SPATA16: variants seen among roughly 807,000 people sequenced by gnomAD.
SPATA16 encodes spermatogenesis associated 16.
In SPATA16, 36 loss-of-function variants were observed where a neutral mutation model predicts 63.3. That is an observed-to-expected ratio of 0.57 (90% CI 0.44 to 0.75). The LOEUF (loss-of-function observed/expected upper bound fraction) is 0.75. SPATA16 is among the 30% of genes least tolerant of loss of function. SPATA16 has a pLI of 0.00. For synonymous variants in SPATA16, 203 were observed against 216.7 expected (o/e 0.94, Z 0.56); for missense variants, 646 against 679.3 (o/e 0.95, Z 0.54).
chr3:172,989,070 A>G (rs191101196), intron 4 of SPATA16, among the ~76,000 whole-genome samples: 87 of 152,300 alleles, frequency 5.7e-4, no homozygotes, highest in African/African-American at 1.9e-3. Flanking sequence ...TGGATAGTCC[A>G]TATCTCTGCT....
chr3:172,929,320 A>G (rs1252333525), intron 6 of SPATA16, among the ~76,000 whole-genome samples: 2 of 152,244 alleles, frequency 1.3e-5, no homozygotes, highest in Non-Finnish European at 2.9e-5. Context: ...TCAAAGATAG[A>G]TTATGCAGAT....
rs1737002752 is a variant in SPATA16 at position 173,084,631 on chromosome 3, CT to C, written c.612+32488del. Among the ~76,000 whole-genome samples the C allele has an allele frequency of 3.3e-5, 5 of 152,238 alleles. No individual in the cohort carries two copies. The South Asian group carries it at 1.0e-3, about 32-fold the overall frequency. ...TGAATGGTATTGCCTAGATTTTCTA[CT>C]AGAGTTTTTATAGTTTTGGGTTTCA... On this transcript the variant is annotated intron_variant, in intron 2 of 10. Transcript: ENST00000351008.
intron 2 of SPATA16, among the ~76,000 whole-genome samples, chr3:173,058,550 A>T (rs900279198): frequency 5.3e-5 from 8 of 152,096 alleles, no homozygotes; most frequent in African/African-American, 1.9e-4. Context: ...TTGTTTCTAT[A>T]TACTAGTACC....
At chr3:173,056,258 T>C (rs1736219662) in intron 2 of SPATA16, among the ~76,000 whole-genome samples, 1 of 152,240 alleles carries the variant, frequency 6.6e-6, no homozygotes, top group African/African-American at 2.4e-5. Flanking sequence ...TGGCAAGTCC[T>C]TTTGTATAAT....
chr3:173,049,141 A>G lies in SPATA16; in HGVS notation c.613-47T>C, dbSNP rs1560106762. On this transcript the variant is annotated intron_variant, in intron 2 of 10. Transcript: ENST00000351008. ...CAACATCTTAATAATCTTTCATATA[A>G]TTTATCTTTTAAATAAGCAAAACAT... 1.9e-6 allele frequency: 3 copies of G among 1,550,818 alleles called. No individual in the cohort carries two copies. The East Asian group carries it at 7.3e-5, about 38-fold the overall frequency.
chr3:173,020,619 G>A (rs1339342462), intron 3 of SPATA16, among the ~76,000 whole-genome samples: 1 of 152,194 alleles, frequency 6.6e-6, no homozygotes, highest in Non-Finnish European at 1.5e-5. Context: ...TTCTCCTAGA[G>A]ATAAAGGGGT....
intron 8 of SPATA16, among the ~76,000 whole-genome samples, chr3:172,917,831 A>G (rs1189283260): frequency 6.6e-6 from 1 of 152,238 alleles, no homozygotes; most frequent in Non-Finnish European, 1.5e-5. Context: ...CTTCAACTTA[A>G]AATTAGAATG....
chr3:173,107,834 C>G (rs759550669), intron 2 of SPATA16, among the ~76,000 whole-genome samples: 8 of 152,030 alleles, frequency 5.3e-5, no homozygotes, highest in Non-Finnish European at 7.4e-5. Context: ...GACTTACACA[C>G]ATTTGGAAAG....
In SPATA16 at chr3:173,117,433, A is replaced by C; in HGVS notation, c.299T>G (p.Ile100Arg). 1 of 1,614,138 alleles carries C rather than the reference A, an allele frequency of 6.2e-7. No homozygotes were observed. Among genetic ancestry groups the C allele is most frequent in the Non-Finnish European group, 8.5e-7 (1 of 1,179,992 alleles). Reference protein sequence around the residue: ...EKPTRKKQAKITELDNQLITM... With the variant: ...EKPTRKKQAKRTELDNQLITM... Reference sequence around the variant, plus strand: ...GATTAACTGATTGTCAAGTTCTGTTATCTTTGCCTGTTTCTTTCTAGTTGG... The same window carrying C: ...GATTAACTGATTGTCAAGTTCTGTTCTCTTTGCCTGTTTCTTTCTAGTTGG... The change falls in exon 2 of 11, where the codon ATA becomes AGA. Residue 100 changes from isoleucine to arginine, a missense_variant. Transcript: ENST00000351008.
At chr3:173,123,674 G>C (rs570254858) in intron 1 of SPATA16, among the ~76,000 whole-genome samples, 1 of 149,204 alleles carries the variant, frequency 6.7e-6, no homozygotes. Context: ...TGTGATCTCA[G>C]CTCACTGCAA....
intron 3 of SPATA16, among the ~76,000 whole-genome samples, chr3:173,045,054 G>A (rs182518937): frequency 1.0e-3 from 159 of 152,132 alleles, no homozygotes; most frequent in Non-Finnish European, 1.9e-3. Flanking sequence ...TAGTTCTGTG[G>A]CAGGCAATTT....
chr3:172,976,865 G>T lies in SPATA16; in HGVS notation c.933+103C>A, dbSNP rs1253756480. On this transcript the variant is annotated intron_variant, in intron 5 of 10. Transcript: ENST00000351008. ...TCAGTACCTTCTTTCTGATTGATAT[G>T]CCCAGAGCTACCTTTTTCTTCAGTC... 3 of 884,986 alleles carry T rather than the reference G, an allele frequency of 3.4e-6. No individual in the cohort carries two copies. The African/African-American group carries it at 4.9e-5, about 14-fold the overall frequency. 54.8% of individuals were successfully genotyped at this position (884,986 alleles called of 1,614,324 possible).
chr3:172,894,803 C>G (rs537149669), intron 10 of SPATA16, among the ~76,000 whole-genome samples: 1 of 152,156 alleles, frequency 6.6e-6, no homozygotes. Flanking sequence ...GCTCTGTCCA[C>G]CATGTGAAGA....
At chr3:173,101,250 AC>A (rs1448862872) in intron 2 of SPATA16, among the ~76,000 whole-genome samples, 4 of 151,952 alleles carry the variant, frequency 2.6e-5, no homozygotes, top group African/African-American at 7.2e-5. Context: ...AGCATGTTTC[AC>A]CCCCTCTTTG....
chr3:173,105,781 CTTCA>C, intron 2 of SPATA16, among the ~76,000 whole-genome samples: 2 of 145,336 alleles, frequency 1.4e-5, no homozygotes, highest in Non-Finnish European at 3.0e-5. Flanking sequence ...CCCTCCCTGT[CTTCA>C]TCCCTCCCTC....
intron 10 of SPATA16, among the ~76,000 whole-genome samples, chr3:172,910,279 A>G (rs1413744222): frequency 6.6e-6 from 1 of 151,932 alleles, no homozygotes; most frequent in African/African-American, 2.4e-5. Flanking sequence ...TTTTTAGTAG[A>G]GATGGGGTTT....
chr3:172,901,826 G>A (rs777487692), intron 10 of SPATA16, among the ~76,000 whole-genome samples: 4 of 152,060 alleles, frequency 2.6e-5, no homozygotes, highest in Non-Finnish European at 5.9e-5. Flanking sequence ...TGTTTCCCAC[G>A]TGGCCTTCAC....
chr3:173,121,013 T>C (rs768041437), intron 1 of SPATA16, among the ~76,000 whole-genome samples: 1 of 152,148 alleles, frequency 6.6e-6, no homozygotes, highest in Non-Finnish European at 1.5e-5. Context: ...ATGTTTAGCT[T>C]TCAGACATCT....
At chr3:173,053,747 C>T (rs992494362) in intron 2 of SPATA16, among the ~76,000 whole-genome samples, 1 of 151,916 alleles carries the variant, frequency 6.6e-6, no homozygotes, top group Admixed American at 6.6e-5. Context: ...TGATCCCTGA[C>T]AATTTAGAAG....
Sources: gnomAD v4.1 joint callset for allele counts (sites outside exome capture counted in the v4.1 genomes callset) on GRCh38, gnomAD v4.1.1 for gene constraint, MANE v1.5 for transcripts, NCBI Gene and HGNC (gene_info 2026-07-23, HGNC 2026-07-21) for gene names.